Variants in CYFIP1 observed in about 807,000 individuals in gnomAD.
CYFIP1 encodes the protein cytoplasmic FMR1 interacting protein 1, also known as cytoplasmic FMR1-interacting protein 1.
Under a neutral mutation model 163.5 loss-of-function variants are expected in CYFIP1, and 58 were observed. The observed-to-expected ratio is 0.35, with a 90% CI of 0.29 to 0.44. The LOEUF (loss-of-function observed/expected upper bound fraction) is 0.44, where lower values mean the gene tolerates loss of function less well. Among genes scored for constraint, CYFIP1 ranks in the 20% least tolerant of loss-of-function variants. CYFIP1 has a pLI of 1.00. For missense variants in CYFIP1, 1,338 were observed against 1,653.8 expected (o/e 0.81, Z 3.31); for synonymous variants, 663 against 660.7 (o/e 1.00, Z -0.05).
chr15:22,912,002 G>A (rs139028335), intron 18 of CYFIP1, among the ~76,000 whole-genome samples, 177 bp downstream of exon 18: 1,700 of 152,244 alleles, frequency 0.011, 22 homozygotes, highest in African/African-American at 0.039. Context: ...GTGAAAAAGC[G>A]CATCCTGCAC....
intron 1 of CYFIP1, among the ~76,000 whole-genome samples, chr15:22,970,461 C>T (rs76751161): frequency 0.054 from 8,160 of 152,276 alleles, 253 homozygotes; most frequent in Non-Finnish European, 0.071. Context: ...TCATAGGAAT[C>T]TCCAAGGACC....
At chr15:22,880,905 C>T (rs2059742819) in intron 25 of CYFIP1, among the ~76,000 whole-genome samples, 1 of 152,212 alleles carries the variant, frequency 6.6e-6, no homozygotes, top group Non-Finnish European at 1.5e-5. Flanking sequence ...CTGTACCACA[C>T]TGGGAAATGG....
At chr15:22,894,056 C>G (rs781672534) in intron 22 of CYFIP1, among the ~76,000 whole-genome samples, 3 of 152,118 alleles carry the variant, frequency 2.0e-5, no homozygotes, top group Non-Finnish European at 4.4e-5. Context: ...TGCTCACACC[C>G]TTGACAGCAG....
intron 25 of CYFIP1, among the ~76,000 whole-genome samples, chr15:22,880,411 G>C (rs919213698): frequency 6.6e-6 from 1 of 152,184 alleles, no homozygotes; most frequent in Non-Finnish European, 1.5e-5. Flanking sequence ...CGCAGGCATG[G>C]AAGGGGCCGC....
chr15:22,964,349 T>TCACACACACACACACA (rs1206406734), intron 1 of CYFIP1, among the ~76,000 whole-genome samples: 11 of 39,574 alleles, frequency 2.8e-4, no homozygotes, highest in African/African-American at 8.3e-4. Context: ...CGCAACCTCA[T>TCACACACACACACACA]CACTCACACA....
At chr15:22,972,441 AC>A (rs1406283790) in intron 1 of CYFIP1, among the ~76,000 whole-genome samples, 1 of 152,086 alleles carries the variant, frequency 6.6e-6, no homozygotes. Context: ...CGTCTCAAAA[AC>A]AAAACAAAAC....
chr15:22,937,962 G>A, intron 8 of CYFIP1, among the ~76,000 whole-genome samples: 3 of 152,274 alleles, frequency 2.0e-5, no homozygotes, highest in African/African-American at 7.2e-5. Context: ...CTCCGCAGGG[G>A]CTCATGGCCA....
rs898945243 is a variant in CYFIP1, at chr15:22,917,299, T to C, written c.1674+489A>G. 3 of 1,347,618 alleles carry C rather than the reference T, an allele frequency of 2.2e-6. No individual in the cohort carries two copies. Among genetic ancestry groups the C allele is most frequent in the East Asian group, 5.8e-5 (2 of 34,714 alleles). The allele number at this position is 1,347,618 out of a possible 1,614,324, so 83.5% of individuals were successfully genotyped here. On this transcript the variant is annotated intron_variant, in intron 15 of 30. Transcript: ENST00000617928. The surrounding 1 kb of genome is among the most constrained non-coding windows in gnomAD (Gnocchi z 4.2). ...CCAGGACGGAGGACAGACGCAGCGG[T>C]GTGGATTAAACCGGGTGTGAAAGTC...
chr15:22,926,422 C>A (rs1595620189), intron 12 of CYFIP1, among the ~76,000 whole-genome samples: 2 of 152,236 alleles, frequency 1.3e-5, no homozygotes, highest in Non-Finnish European at 2.9e-5. Flanking sequence ...CCTATGACCC[C>A]AGCACTTGGG....
chr15:22,974,150 T>C (rs1431020710), intron 1 of CYFIP1, among the ~76,000 whole-genome samples: 1 of 152,170 alleles, frequency 6.6e-6, no homozygotes, highest in Admixed American at 6.6e-5. Context: ...AGAACTACCA[T>C]ATGACCCAGC....
intron 14 of CYFIP1, among the ~76,000 whole-genome samples, chr15:22,918,444 G>C (rs541324691): frequency 2.0e-5 from 3 of 152,220 alleles, no homozygotes; most frequent in South Asian, 4.2e-4. Context: ...CGCGAGCCTG[G>C]GATAAATGCA....
chr15:22,879,237 C>G (rs980181829), intron 26 of CYFIP1, among the ~76,000 whole-genome samples: 1 of 152,174 alleles, frequency 6.6e-6, no homozygotes, highest in African/African-American at 2.4e-5. Context: ...ATGCCCACCT[C>G]GTTAGTCACG....
At chr15:22,968,123 G>A (rs546824526) in intron 1 of CYFIP1, among the ~76,000 whole-genome samples, 152 of 152,068 alleles carry the variant, frequency 1.0e-3, no homozygotes, top group African/African-American at 3.2e-3. Flanking sequence ...GCGACACAGC[G>A]AGACTCCATC....
At chr15:22,900,347 C>T (rs1442189883) in intron 22 of CYFIP1, among the ~76,000 whole-genome samples, 1 of 151,962 alleles carries the variant, frequency 6.6e-6, no homozygotes. Flanking sequence ...CCTGCTGACA[C>T]CTTGATTCCA....
In CYFIP1 at chr15:22,867,335, A is replaced by G. The variant is rs2059168361; in HGVS notation, c.*2693T>C. ...GATGATGATTGGTTTTATTTTTGAA[A>G]TATTTATTAAGGGAAAACTAAGTTA... On this transcript the variant is annotated 3_prime_UTR_variant, in exon 31 of 31. Coordinates refer to ENST00000617928, the MANE Select transcript of CYFIP1 (RefSeq NM_014608.6). 5.0e-6 allele frequency: 2 copies of G among 396,522 alleles called. No individual in the cohort carries two copies. The highest frequency in any genetic ancestry group is 4.4e-6 in the Non-Finnish European group (1 of 225,046). 24.6% of individuals were successfully genotyped at this position (396,522 alleles called of 1,614,324 possible).
chr15:22,927,181 C>CA (rs1162305000), intron 12 of CYFIP1, among the ~76,000 whole-genome samples: 9 of 151,708 alleles, frequency 5.9e-5, no homozygotes, highest in African/African-American at 4.8e-5. Context: ...CAAAAAAAAC[C>CA]AAAAAACAAA....
intron 9 of CYFIP1, among the ~76,000 whole-genome samples, chr15:22,935,475 T>G (rs2061683711): frequency 6.6e-6 from 1 of 152,154 alleles, no homozygotes; most frequent in Admixed American, 6.5e-5. Flanking sequence ...TTCTAGAAGC[T>G]AACACAGCAG....
rs368179621 is a variant in CYFIP1 at position 22,951,523 on chromosome 15, G to A, written c.-6-4232C>T. On this transcript the variant is annotated intron_variant, in intron 1 of 30. Coordinates refer to ENST00000617928, the MANE Select transcript of CYFIP1 (RefSeq NM_014608.6). ...TGAGGACGTGCTTCGGCCCCATAGG[G>A]GCTGCCCGTGTCCTGCGACTCCAGC... 71 of 1,288,024 alleles carry A rather than the reference G, an allele frequency of 5.5e-5. No homozygotes were observed. In the African/African-American group the frequency reaches 9.3e-4, roughly 17 times the overall value. The allele number at this position is 1,288,024 out of a possible 1,614,324, so 79.8% of individuals were successfully genotyped here. A position where few individuals can be genotyped will look rare whatever the true frequency, so the allele number is the denominator to read the frequency against.
intron 3 of CYFIP1, chr15:22,946,711 G>A: frequency 1.7e-6 from 1 of 580,504 alleles, no homozygotes; most frequent in Non-Finnish European, 3.2e-6. Flanking sequence ...GCACATACCT[G>A]GTGTGTGTGG....
Sources: allele counts gnomAD v4.1 joint callset (sites outside exome capture counted in the v4.1 genomes callset), GRCh38; gene constraint gnomAD v4.1.1; non-coding constraint Gnocchi (gnomAD v3.1); transcripts MANE v1.5; gene names NCBI Gene and HGNC (gene_info 2026-07-23, HGNC 2026-07-21).